ZFP64: variants seen among roughly 807,000 people sequenced by gnomAD.
ZFP64 encodes the protein zinc finger protein 64.
In ZFP64, 14 loss-of-function variants were observed where a neutral mutation model predicts 51.6. The ratio of observed to expected loss-of-function variants is 0.27; its 90% CI spans 0.18 to 0.42. The LOEUF is 0.42. Among genes scored for constraint, ZFP64 ranks in the 10% least tolerant of loss-of-function variants. ZFP64 has a pLI of 1.00. For missense variants in ZFP64, 754 were observed against 906.8 expected (o/e 0.83, Z 2.16); for synonymous variants, 375 against 361.4 (o/e 1.04, Z -0.43).
At chr20:52,113,666 T>G (rs1238194729) in intron 5 of ZFP64, among the ~76,000 whole-genome samples, 6 of 150,114 alleles carry the variant, frequency 4.0e-5, no homozygotes, top group Non-Finnish European at 5.9e-5. Context: ...CTCGAACTCC[T>G]GAACTCAGAT....
At chr20:52,131,853 C>G (rs1209306306) in intron 5 of ZFP64, among the ~76,000 whole-genome samples, 4 of 152,144 alleles carry the variant, frequency 2.6e-5, no homozygotes. Flanking sequence ...ACTTAATCTG[C>G]ACTATAGACT....
At position 52,151,350 on chromosome 20, in the gene ZFP64, T is replaced by G. The variant is rs545191151; in HGVS notation, c.*796A>C. The G allele has an allele frequency of 1.6e-4, 153 of 985,396 alleles. 1 individual carries two copies. The highest frequency in any genetic ancestry group is 1.6e-4 in the Non-Finnish European group (130 of 829,928). 61.0% of individuals were successfully genotyped at this position (985,396 alleles called of 1,614,324 possible). A position where few individuals can be genotyped will look rare whatever the true frequency, so the allele number is the denominator to read the frequency against. ...CTCATTAGCACTAAACATTTTTTTTTGGGTCAAGTATCCATGTCATATTAT... is the reference window on the plus strand; with the variant it reads ...CTCATTAGCACTAAACATTTTTTTTGGGGTCAAGTATCCATGTCATATTAT... On this transcript the variant is annotated 3_prime_UTR_variant, in exon 6 of 6. Transcript: ENST00000216923.
At position 52,160,017 on chromosome 20, in the gene ZFP64, A is replaced by C; in HGVS notation, c.763+106T>G. On this transcript the variant is annotated intron_variant, in intron 5 of 5. Coordinates refer to ENST00000216923, the MANE Select transcript of ZFP64 (RefSeq NM_018197.3). The surrounding 1 kb of genome is among the most constrained non-coding windows in gnomAD (Gnocchi z 4.2). ...AAACTGCAAACAACGGGATGAGCAAAGGTTCCAACTCGATTTCTTACATTG... is the reference window on the plus strand; with the variant it reads ...AAACTGCAAACAACGGGATGAGCAACGGTTCCAACTCGATTTCTTACATTG... 6.4e-7 allele frequency: 1 copy of C among 1,551,016 alleles called. No homozygotes were observed.
chr20:52,087,698 C>G (rs970625708), intron 8 of ZFP64, among the ~76,000 whole-genome samples: 5 of 152,214 alleles, frequency 3.3e-5, no homozygotes, highest in Non-Finnish European at 5.9e-5. Context: ...CTTGGCTAGT[C>G]CCCCAAGCTT....
chr20:52,154,801 T>C (rs1049635930), intron 5 of ZFP64, among the ~76,000 whole-genome samples: 14 of 152,138 alleles, frequency 9.2e-5, no homozygotes, highest in African/African-American at 3.4e-4. Flanking sequence ...AACACAACCA[T>C]GCATATTTGT....
chr20:52,114,736 C>T (rs1254311524), intron 5 of ZFP64, among the ~76,000 whole-genome samples: 1 of 152,198 alleles, frequency 6.6e-6, no homozygotes, highest in African/African-American at 2.4e-5. Context: ...ATCAATTCTG[C>T]TTTCCATCTT....
intron 2 of ZFP64, among the ~76,000 whole-genome samples, chr20:52,184,713 A>T (rs1287425014): frequency 6.7e-6 from 1 of 150,214 alleles, no homozygotes; most frequent in Non-Finnish European, 1.5e-5. Context: ...TGCAGCCTCA[A>T]ACTCCTGGGC....
rs572235869 is a variant in ZFP64 at position 52,134,966 on chromosome 20, G to A, written c.763+25157C>T. 1.5e-4 allele frequency among the ~76,000 whole-genome samples: 23 copies of A among 152,160 alleles called. No homozygotes were observed. In the East Asian group the frequency reaches 3.5e-3, roughly 23 times the overall value. ...CAACCTCTGCCTCCTGGGCTCAAGC[G>A]ATCCTCCCACCTCAGCCTCCCAAGT... is the stretch of plus-strand genomic sequence containing the variant. On this transcript the variant is annotated intron_variant, in intron 5 of 8. Coordinates refer to the ZFP64 transcript ENST00000361387.
At chr20:52,140,179 C>A (rs1568672827) in intron 5 of ZFP64, among the ~76,000 whole-genome samples, 1 of 152,068 alleles carries the variant, frequency 6.6e-6, no homozygotes, top group East Asian at 1.9e-4. Context: ...TTCCCTATTC[C>A]CTGAGACCCA....
At chr20:52,116,674 C>T (rs1219019994) in intron 5 of ZFP64, among the ~76,000 whole-genome samples, 1 of 152,014 alleles carries the variant, frequency 6.6e-6, no homozygotes, top group African/African-American at 2.4e-5. Context: ...TGTGTACATA[C>T]ACATATATAC....
At chr20:52,149,274 GA>G (rs555406373), downstream of ZFP64, among the ~76,000 whole-genome samples, 15,178 of 96,720 alleles carry the variant, frequency 0.16, 964 homozygotes, top group African/African-American at 0.26. Flanking sequence ...TCTACTTACA[GA>G]AAAAAAAAAA....
intron 3 of ZFP64, 33 bp downstream of exon 3, chr20:52,165,831 C>G: frequency 1.2e-6 from 2 of 1,613,672 alleles, no homozygotes; most frequent in Non-Finnish European, 1.7e-6. Context: ...ATATCACACC[C>G]TCTACACAAG....
intron 5 of ZFP64, among the ~76,000 whole-genome samples, chr20:52,142,378 A>ACACACACACACACGCGCGCG (rs1491325770): frequency 2.1e-4 from 8 of 38,348 alleles, no homozygotes; most frequent in Admixed American, 3.6e-4. Flanking sequence ...ACACACACAG[A>ACACACACACACACGCGCGCG]CACACACACA....
Position 52,153,172 on chromosome 20 carries a change from C to T in ZFP64, c.1020G>A (p.Glu340=), listed in dbSNP as rs1276034784. The T allele has an allele frequency of 6.8e-6, 11 of 1,614,102 alleles. No individual in the cohort carries two copies. The highest frequency in any genetic ancestry group is 7.6e-6 in the Non-Finnish European group (9 of 1,180,054). The change falls in exon 6 of 6, where the codon GAG becomes GAA. Residue 340 remains glutamate (E), a synonymous_variant. Coordinates refer to ENST00000216923, the MANE Select transcript of ZFP64 (RefSeq NM_018197.3). This position sits in a 1 kb window ranked among gnomAD's most constrained non-coding sequence, Gnocchi z 5.1. The part of the protein sequence containing the change: ...LRKHSRVHQS[E]HPEKCSECSY... ...TGCATTCCGAGCACTTCTCAGGATG[C>T]TCCGACTGGTGCACGCGGCTGTGCT...
At chr20:52,139,266 A>G (rs1332199168) in intron 5 of ZFP64, among the ~76,000 whole-genome samples, 1 of 152,206 alleles carries the variant, frequency 6.6e-6, no homozygotes, top group Non-Finnish European at 1.5e-5. Flanking sequence ...GATGCCCATC[A>G]ATGGTGGGCT....
intron 2 of ZFP64, among the ~76,000 whole-genome samples, chr20:52,185,273 C>G (rs1012073681): frequency 3.9e-5 from 6 of 152,324 alleles, no homozygotes; most frequent in Admixed American, 3.3e-4. Flanking sequence ...ATCCACCCGC[C>G]TCGGCCTCCG....
chr20:52,188,308 C>CTTTTTTTTTTTTTTTTTTT (rs1164512289), intron 1 of ZFP64, among the ~76,000 whole-genome samples: 5 of 104,224 alleles, frequency 4.8e-5, no homozygotes, highest in Non-Finnish European at 1.0e-4. Context: ...CTTTTTCTTT[C>CTTTTTTTTTTTTTTTTTTT]TTTTTTTTTT....
At chr20:52,155,428 G>A (rs894164722) in intron 5 of ZFP64, among the ~76,000 whole-genome samples, 6 of 152,236 alleles carry the variant, frequency 3.9e-5, no homozygotes, top group Non-Finnish European at 8.8e-5. Context: ...AGGGGCAGAC[G>A]TCTGTAGACT....
At chr20:52,104,752 G>T (rs1225443886) in intron 5 of ZFP64, 4 of 528,204 alleles carry the variant, frequency 7.6e-6, no homozygotes, top group Non-Finnish European at 1.5e-5. Context: ...TAACCCCAAG[G>T]CAAGAAGCCA....
Sources: allele counts gnomAD v4.1 joint callset (sites outside exome capture counted in the v4.1 genomes callset), GRCh38; gene constraint gnomAD v4.1.1; non-coding constraint Gnocchi (gnomAD v3.1); transcripts MANE v1.5; gene names NCBI Gene and HGNC (gene_info 2026-07-23, HGNC 2026-07-21).